Variants in EFCAB8 observed in about 807,000 individuals in gnomAD.
EFCAB8 encodes EF-hand calcium-binding domain-containing protein 8.
A neutral mutation model predicts 116.3 loss-of-function variants in EFCAB8; 100 were observed. That is an observed-to-expected ratio of 0.86 (90% CI 0.73 to 1.02). The LOEUF is 1.02. EFCAB8 is among the 50% of genes least tolerant of loss of function. The pLI is 0.00. For synonymous variants in EFCAB8, 558 were observed against 567.9 expected, an observed-to-expected ratio of 0.98 and a Z score of 0.25; for missense variants, 1,320 against 1,416.9, an observed-to-expected ratio of 0.93 and a Z score of 1.10.
intron 13 of EFCAB8, among the ~76,000 whole-genome samples, chr20:32,907,380 G>A (rs539223581): frequency 1.3e-4 from 19 of 149,234 alleles, no homozygotes; most frequent in African/African-American, 4.2e-4. Flanking sequence ...CCCTCGATCT[G>A]CACCTCTCAG....
chr20:32,894,910 T>C (rs1309378454), intron 9 of EFCAB8, among the ~76,000 whole-genome samples: 1 of 152,240 alleles, frequency 6.6e-6, no homozygotes, highest in African/African-American at 2.4e-5. Flanking sequence ...AGCCCCACTC[T>C]GGCAGTCTTG....
In EFCAB8 at chr20:32,917,503, A is replaced by T; in HGVS notation, c.2059A>T (p.Arg687Trp). The stretch of plus-strand genomic sequence containing the variant: ...GAGCCCCTCGCCCTTGCAGCCCAAG[A>T]GGGTATGTTAACAGGAGCACACTCT... ...SRSPSPLQPKRVQDVNNCLAE... is the reference protein window; with the variant it reads ...SRSPSPLQPKWVQDVNNCLAE... The change falls in exon 18 of 27, where the codon AGG (arginine) becomes TGG (tryptophan). Residue 687 changes from arginine (R) to tryptophan (W), a missense_variant and splice_region_variant. Transcript: ENST00000400522. 3 of 1,409,712 alleles carry T rather than the reference A, an allele frequency of 2.1e-6. No individual in the cohort carries two copies. Among genetic ancestry groups the T allele is most frequent in the Non-Finnish European group, 2.8e-6 (3 of 1,059,586 alleles). The allele number at this position is 1,409,712 out of a possible 1,614,324, so 87.3% of individuals were successfully genotyped here.
intron 4 of EFCAB8, among the ~76,000 whole-genome samples, chr20:32,878,234 C>T (rs1330726398): frequency 6.6e-6 from 1 of 152,028 alleles, no homozygotes; most frequent in Non-Finnish European, 1.5e-5. Context: ...CCATTGCACT[C>T]CAGCCTGGGT....
chr20:32,935,014 T>G, intron 22 of EFCAB8, among the ~76,000 whole-genome samples: 1 of 152,166 alleles, frequency 6.6e-6, no homozygotes, highest in Non-Finnish European at 1.5e-5. Flanking sequence ...TAACATCTAA[T>G]CTAACAGATG....
chr20:32,954,689 G>A (rs1261305083), intron 23 of EFCAB8, among the ~76,000 whole-genome samples: 1 of 152,130 alleles, frequency 6.6e-6, no homozygotes, highest in Non-Finnish European at 1.5e-5. Flanking sequence ...ATTAATTGTT[G>A]TGTAGAGAGG....
chr20:32,950,141 A>C (rs958937021), intron 23 of EFCAB8, among the ~76,000 whole-genome samples: 4 of 152,262 alleles, frequency 2.6e-5, no homozygotes, highest in Admixed American at 2.0e-4. Context: ...GATTGTTTGC[A>C]TGCAACACCG....
At chr20:32,874,136 G>C (rs940364848) in intron 3 of EFCAB8, among the ~76,000 whole-genome samples, 2 of 151,064 alleles carry the variant, frequency 1.3e-5, no homozygotes, top group East Asian at 1.9e-4. Flanking sequence ...GCCCAGCCTG[G>C]TCTCAAACTC....
intron 9 of EFCAB8, among the ~76,000 whole-genome samples, chr20:32,894,292 G>C (rs940316244): frequency 7.9e-5 from 12 of 152,216 alleles, no homozygotes; most frequent in Admixed American, 7.2e-4. Flanking sequence ...CCCCTGGCAG[G>C]CTTGTTGGGG....
chr20:32,931,270 C>T lies in EFCAB8; in HGVS notation c.2724C>T (p.Phe908=). ...AKVVSEAHNK[F]RLLIPQQLGT... ...TTGTCTCTGAAGCACACAACAAGTT[C>T]CGGTTGTTAATTCCTCAGCAACTTG... is the stretch of plus-strand genomic sequence containing the variant. The change falls in exon 22 of 27, where the codon TTC becomes TTT. Residue 908 remains phenylalanine (F), a synonymous_variant. Transcript: ENST00000400522. 1 of 1,551,644 alleles carries T rather than the reference C, an allele frequency of 6.4e-7. No homozygotes were observed. Among genetic ancestry groups the T allele is most frequent in the Non-Finnish European group, 8.7e-7 (1 of 1,146,946 alleles).
At chr20:32,917,645 T>C in intron 18 of EFCAB8, 140 bp downstream of exon 18, 1 of 937,448 alleles carries the variant, frequency 1.1e-6, no homozygotes, top group African/African-American at 1.7e-5. Context: ...GGGAGCTTGG[T>C]TAGGTAGGTG....
chr20:32,882,675 C>T (rs1441647203), intron 5 of EFCAB8, among the ~76,000 whole-genome samples: 1 of 152,026 alleles, frequency 6.6e-6, no homozygotes, highest in African/African-American at 2.4e-5. Flanking sequence ...TGGCCGCCAC[C>T]ACGCCTGGCC....
intron 11 of EFCAB8, among the ~76,000 whole-genome samples, chr20:32,903,843 C>T (rs1986543911): frequency 6.6e-6 from 1 of 152,100 alleles, no homozygotes; most frequent in Non-Finnish European, 1.5e-5. Context: ...GCAAGGAGGA[C>T]TTGGGGCCAG....
chr20:32,945,822 C>T (rs1478939519), intron 23 of EFCAB8, among the ~76,000 whole-genome samples: 1 of 152,168 alleles, frequency 6.6e-6, no homozygotes, highest in Non-Finnish European at 1.5e-5. Context: ...ACCAGACTTA[C>T]GCATGTAAAT....
chr20:32,916,126 A>G (rs1987173662), intron 17 of EFCAB8, among the ~76,000 whole-genome samples: 1 of 152,234 alleles, frequency 6.6e-6, no homozygotes, highest in African/African-American at 2.4e-5. Flanking sequence ...ATTATTTCTT[A>G]TAGTTCTGGA....
At chr20:32,924,117 A>G (rs1220331130) in intron 20 of EFCAB8, among the ~76,000 whole-genome samples, 1 of 152,162 alleles carries the variant, frequency 6.6e-6, no homozygotes, top group Non-Finnish European at 1.5e-5. Context: ...GCAGTGGCAC[A>G]ATCACAGCTC....
chr20:32,921,807 A>G (rs1438153803), intron 20 of EFCAB8, among the ~76,000 whole-genome samples: 5 of 146,844 alleles, frequency 3.4e-5, no homozygotes, highest in Non-Finnish European at 6.0e-5. Context: ...ATTTAGATTC[A>G]TCTTATTCTT....
chr20:32,909,597 G>A (rs1254153437), intron 14 of EFCAB8, among the ~76,000 whole-genome samples: 1 of 151,802 alleles, frequency 6.6e-6, no homozygotes, highest in Non-Finnish European at 1.5e-5. Flanking sequence ...GGGGTTCTAG[G>A]AACACTAGGG....
intron 22 of EFCAB8, among the ~76,000 whole-genome samples, chr20:32,935,188 C>CTTCTTTTTTTTTTTTTTTTTTTTT (rs1425422102): frequency 1.5e-5 from 1 of 66,928 alleles, no homozygotes; most frequent in Non-Finnish European, 2.7e-5. Flanking sequence ...TTCTTTCTTT[C>CTTCTTTTTTTTTTTTTTTTTTTTT]TTTCTTTTTT....
At chr20:32,877,915 G>A (rs111610316) in intron 4 of EFCAB8, among the ~76,000 whole-genome samples, 5 of 152,170 alleles carry the variant, frequency 3.3e-5, no homozygotes, top group African/African-American at 4.8e-5. Context: ...GCCTCAGGAC[G>A]GCGAGGGAGA....
Sources: gnomAD v4.1 joint callset for allele counts (sites outside exome capture counted in the v4.1 genomes callset) on GRCh38, gnomAD v4.1.1 for gene constraint, MANE v1.5 for transcripts, NCBI Gene and HGNC (gene_info 2026-07-23, HGNC 2026-07-21) for gene names.